Variants in TIAM2 observed in about 807,000 individuals in gnomAD.
The protein encoded by TIAM2 is rho guanine nucleotide exchange factor TIAM2.
TIAM2 carries 80 observed loss-of-function variants against 152.9 expected under a neutral mutation model. The ratio of observed to expected loss-of-function variants is 0.52; its 90% confidence interval spans 0.44 to 0.63. The LOEUF (loss-of-function observed/expected upper bound fraction) is 0.63, where lower values mean the gene tolerates loss of function less well. Ranked by LOEUF, TIAM2 falls within the 30% of genes least tolerant of loss-of-function variation. TIAM2 has a pLI of 0.00. For missense variants in TIAM2, 1,965 were observed against 2,120.1 expected (o/e 0.93, Z 1.44); for synonymous variants, 804 against 838.0 (o/e 0.96, Z 0.70).
intron 14 of TIAM2, among the ~76,000 whole-genome samples, chr6:155,184,603 C>T (rs73577408): frequency 0.015 from 2,348 of 152,018 alleles, 54 homozygotes; most frequent in African/African-American, 0.053. Flanking sequence ...TACTTAATTA[C>T]GATAATAATG....
At chr6:155,236,710 A>G (rs1483642607) in intron 15 of TIAM2, among the ~76,000 whole-genome samples, 1 of 152,196 alleles carries the variant, frequency 6.6e-6, no homozygotes, top group Non-Finnish European at 1.5e-5. Context: ...GGATGGCAGC[A>G]GGCAAAGAGA....
chr6:155,010,870 C>A (rs964208058), intron 1 of TIAM2, among the ~76,000 whole-genome samples: 3 of 152,062 alleles, frequency 2.0e-5, no homozygotes, highest in Non-Finnish European at 2.9e-5. Context: ...GATGGTGAAA[C>A]CTGTCTCTAC....
intron 15 of TIAM2, among the ~76,000 whole-genome samples, chr6:155,239,920 C>T (rs1283975282): frequency 6.6e-6 from 1 of 152,224 alleles, no homozygotes; most frequent in East Asian, 1.9e-4. Context: ...TCTTCATCTG[C>T]TTCTACTCCA....
At chr6:155,179,581 C>T (rs913431825) in intron 12 of TIAM2, 125 bp downstream of exon 12, 5 of 805,736 alleles carry the variant, frequency 6.2e-6, no homozygotes, top group Admixed American at 2.9e-5. Flanking sequence ...ACAGTAGTTT[C>T]TGAACTTCCT....
At chr6:155,109,280 G>A (rs971922963) in intron 2 of TIAM2, among the ~76,000 whole-genome samples, 50 of 149,562 alleles carry the variant, frequency 3.3e-4, no homozygotes, top group Middle Eastern at 3.4e-3. Flanking sequence ...CACTGCACCC[G>A]GCCTTCAGCT....
At chr6:155,131,439 A>G (rs1261620222) in intron 4 of TIAM2, among the ~76,000 whole-genome samples, 1 of 152,096 alleles carries the variant, frequency 6.6e-6, no homozygotes, top group African/African-American at 2.4e-5. Flanking sequence ...TTACAGTCCA[A>G]ATAAAACAGT....
intron 2 of TIAM2, among the ~76,000 whole-genome samples, chr6:155,094,546 C>CTTTTTT (rs10694318): frequency 2.5e-4 from 20 of 79,956 alleles, no homozygotes; most frequent in African/African-American, 5.6e-4. Context: ...TTCACTCAGA[C>CTTTTTT]TTTTTTTTTT....
chr6:155,183,357 C>G lies in TIAM2; in HGVS notation c.2921C>G (p.Pro974Arg). 5 of 1,613,474 alleles carry G rather than the reference C, an allele frequency of 3.1e-6. No homozygotes were observed. Among genetic ancestry groups the G allele is most frequent in the Non-Finnish European group, 4.2e-6 (5 of 1,179,810 alleles). ...KSVGLTLIAR[P>R]PDTKATLCTS... ...GTCGGACTCACTCTGATTGCCCGGCCTCCGGACACAAAAGCAACCCTGTGT... is the reference window on the plus strand; with the variant it reads ...GTCGGACTCACTCTGATTGCCCGGCGTCCGGACACAAAAGCAACCCTGTGT... The change falls in exon 14 of 27, where the codon CCT becomes CGT. Residue 974 changes from proline to arginine, a missense_variant. Pro to Arg is a moderately radical substitution (Grantham distance 103, BLOSUM62 -2). This residue lies in a region of TIAM2 where 935 missense variants were observed against 980.0 expected (regional missense o/e 0.95). Transcript: ENST00000682666.
Position 155,183,254 on chromosome 6 carries a change from G to A in TIAM2, c.2818G>A (p.Glu940Lys). 6.2e-7 allele frequency: 1 copy of A among 1,613,970 alleles called. No individual in the cohort carries two copies. The highest frequency in any genetic ancestry group is 1.7e-5 in the Admixed American group (1 of 59,988). Residue 940 changes from glutamate (E) to lysine (K), a missense_variant, in exon 14 of 27, where the codon GAG becomes AAG. Glu to Lys is a moderately conservative substitution (Grantham distance 56). Coordinates refer to ENST00000682666, the MANE Select transcript of TIAM2 (RefSeq NM_012454.4). ...AYGEGLRKGN[E>K]IMTLNGEAVS... ...TTTCTCAGGGCTGAGAAAGGGCAAT[G>A]AGATCATGACCTTAAATGGGGAAGC...
chr6:155,164,532 G>T lies in TIAM2; in HGVS notation c.2146G>T (p.Ala716Ser), dbSNP rs377169813. The change falls in exon 8 of 27, where the codon GCC becomes TCC. Residue 716 changes from alanine to serine, a missense_variant. By Grantham distance (99) the Ala-to-Ser change is moderately conservative. Around this residue, in one of 3 missense-constraint regions of TIAM2, gnomAD observed 1,025 missense variants for 1,119.4 expected, o/e 0.92. Transcript: ENST00000682666. ...GAACCCAAAGAGTCTCCTTGCAGCC[G>T]CCAGCCGCCCCTCCAAGCTGGCCCT... ...LPNPKSLLAAASRPSKLALGR... is the reference protein window; with the variant it reads ...LPNPKSLLAASSRPSKLALGR... 2 of 1,613,914 alleles carry T rather than the reference G, an allele frequency of 1.2e-6. No individual in the cohort carries two copies. Among genetic ancestry groups the T allele is most frequent in the Non-Finnish European group, 1.7e-6 (2 of 1,180,002 alleles).
At chr6:155,154,905 T>C (rs981152782) in intron 7 of TIAM2, among the ~76,000 whole-genome samples, 3 of 152,158 alleles carry the variant, frequency 2.0e-5, no homozygotes, top group Non-Finnish European at 4.4e-5. Context: ...GTTTGGACAA[T>C]TGGCAACTGG....
intron 15 of TIAM2, among the ~76,000 whole-genome samples, chr6:155,237,737 C>T (rs889992480): frequency 1.3e-5 from 2 of 152,226 alleles, no homozygotes; most frequent in Admixed American, 6.5e-5. Context: ...TGTGTTGGCT[C>T]CTTTCAGCCA....
rs11455127 is a variant in TIAM2 at position 155,257,190 on chromosome 6, C to CAA, written c.*89_*90dup. On this transcript the variant is annotated 3_prime_UTR_variant, in exon 27 of 27. Coordinates refer to ENST00000682666, the MANE Select transcript of TIAM2 (RefSeq NM_012454.4). ...TAAACTGGTGGTAAAGTGGAAATTGCAAAAAAAAAAAAAAAAAAAAACTGT... is the reference window on the plus strand; with the variant it reads ...TAAACTGGTGGTAAAGTGGAAATTGCAAAAAAAAAAAAAAAAAAAAAAACTGT... 0.018 allele frequency: 9,663 copies of CAA among 542,800 alleles called. 22 individuals are homozygous for CAA. The highest frequency in any genetic ancestry group is 0.02 in the Non-Finnish European group (7,291 of 357,634). 33.6% of individuals were successfully genotyped at this position (542,800 alleles called of 1,614,324 possible).
rs11455127 is a variant in TIAM2, at chr6:155,257,190, CA to C, written c.*90del. Reference sequence around the variant, plus strand: ...TAAACTGGTGGTAAAGTGGAAATTGCAAAAAAAAAAAAAAAAAAAAACTGTT... The same window carrying C: ...TAAACTGGTGGTAAAGTGGAAATTGCAAAAAAAAAAAAAAAAAAAACTGTT... On this transcript the variant is annotated 3_prime_UTR_variant, in exon 27 of 27. Coordinates refer to ENST00000682666, the MANE Select transcript of TIAM2 (RefSeq NM_012454.4). 69,705 of 528,942 alleles carry C rather than the reference CA, an allele frequency of 0.13. 292 individuals carry two copies. The highest frequency in any genetic ancestry group is 0.19 in the East Asian group (4,616 of 24,496). The allele number at this position is 528,942 out of a possible 1,614,324, so 32.8% of individuals were successfully genotyped here. A position where few individuals can be genotyped will look rare whatever the true frequency, so the allele number is the denominator to read the frequency against.
intron 1 of TIAM2, among the ~76,000 whole-genome samples, chr6:155,048,690 T>A (rs1777257429): frequency 6.6e-6 from 1 of 152,154 alleles, no homozygotes; most frequent in African/African-American, 2.4e-5. Flanking sequence ...AGAATTTGGT[T>A]TGAAATATTC....
chr6:155,230,725 CACTGCATTTATTAT>C (rs1474746500), intron 15 of TIAM2, among the ~76,000 whole-genome samples: 2 of 151,978 alleles, frequency 1.3e-5, no homozygotes, highest in Admixed American at 6.5e-5. Flanking sequence ...CAGTGTTAAC[CACTGCATTTATTAT>C]ACATGTAGTT....
chr6:155,158,810 G>A (rs1277726449), intron 7 of TIAM2, among the ~76,000 whole-genome samples: 1 of 149,730 alleles, frequency 6.7e-6, no homozygotes, highest in Non-Finnish European at 1.5e-5. Context: ...ATATCTTGAT[G>A]TTTATCTTTA....
intron 14 of TIAM2, among the ~76,000 whole-genome samples, chr6:155,185,920 A>G (rs749250839): frequency 4.6e-5 from 7 of 152,220 alleles, no homozygotes; most frequent in Non-Finnish European, 8.8e-5. Context: ...CAGCCCCAGC[A>G]GACTCCTTCC....
intron 1 of TIAM2, among the ~76,000 whole-genome samples, chr6:155,087,086 TG>T (rs1778187109): frequency 6.6e-6 from 1 of 152,074 alleles, no homozygotes; most frequent in Admixed American, 6.6e-5. Flanking sequence ...CGGGGTATGA[TG>T]GTAGGTGATC....
Sources: allele counts gnomAD v4.1 joint callset (sites outside exome capture counted in the v4.1 genomes callset), GRCh38; gene constraint gnomAD v4.1.1; regional missense constraint gnomAD v4.1.1; transcripts MANE v1.5; gene names NCBI Gene and HGNC (gene_info 2026-07-23, HGNC 2026-07-21).